The following MIS18A variants were observed in gnomAD, a reference collection of about 807,000 sequenced individuals.
The protein encoded by MIS18A is protein Mis18-alpha.
In MIS18A, 14 loss-of-function variants were observed where a neutral mutation model predicts 25.0. The ratio of observed to expected loss-of-function variants is 0.56; its 90% CI spans 0.37 to 0.88. The LOEUF (loss-of-function observed/expected upper bound fraction) is 0.88. Ranked by LOEUF, MIS18A falls within the 40% of genes least tolerant of loss-of-function variation. MIS18A has a pLI of 0.00. For synonymous variants in MIS18A, 134 were observed against 118.6 expected, an observed-to-expected ratio of 1.13 and a Z score of -0.84; for missense variants, 292 against 290.8, an observed-to-expected ratio of 1.00 and a Z score of -0.03.
At chr21:32,163,710 C>T in the MIS18A span, among the ~76,000 whole-genome samples, 1 of 152,258 alleles carries the variant, frequency 6.6e-6, no homozygotes, top group East Asian at 1.9e-4. Flanking sequence ...TTCCCAAAGG[C>T]TCTTTTTGGC....
the MIS18A span, among the ~76,000 whole-genome samples, chr21:32,157,270 A>G: frequency 7.6e-3 from 1 of 132 alleles, no homozygotes; most frequent in African/African-American, 0.033. Flanking sequence ...GGGTTTCATC[A>G]TCTTGGCCCA....
chr21:32,179,185 AT>A, the MIS18A span, among the ~76,000 whole-genome samples: 11 of 151,720 alleles, frequency 7.3e-5, no homozygotes, highest in Middle Eastern at 3.2e-3. Flanking sequence ...ATGTTACTGG[AT>A]TTCAGTTCCC....
At chr21:32,240,012 G>C in the MIS18A span, among the ~76,000 whole-genome samples, 32 of 152,318 alleles carry the variant, frequency 2.1e-4, no homozygotes, top group African/African-American at 7.2e-4. Flanking sequence ...AAATAAATAA[G>C]TAGGCATCCT....
the MIS18A span, among the ~76,000 whole-genome samples, chr21:32,180,716 C>T: frequency 6.6e-6 from 1 of 152,224 alleles, no homozygotes; most frequent in Non-Finnish European, 1.5e-5. Flanking sequence ...CCTCCATATC[C>T]TTGCCAACAC....
the MIS18A span, among the ~76,000 whole-genome samples, chr21:32,214,079 C>T: frequency 6.6e-6 from 1 of 152,212 alleles, no homozygotes; most frequent in Non-Finnish European, 1.5e-5. Flanking sequence ...GACACTCTGA[C>T]ATCCACCAGC....
At chr21:32,233,112 T>C in the MIS18A span, among the ~76,000 whole-genome samples, 2 of 152,238 alleles carry the variant, frequency 1.3e-5, no homozygotes, top group Admixed American at 1.3e-4. Flanking sequence ...TTTCTTTAAA[T>C]AGGCCAGTGT....
At chr21:32,219,313 C>G in the MIS18A span, among the ~76,000 whole-genome samples, 1 of 152,112 alleles carries the variant, frequency 6.6e-6, no homozygotes, top group Admixed American at 6.5e-5. Flanking sequence ...ACAGTGGGTG[C>G]AGCCCACAGA....
At chr21:32,249,372 G>A in the MIS18A span, among the ~76,000 whole-genome samples, 2 of 152,156 alleles carry the variant, frequency 1.3e-5, no homozygotes, top group African/African-American at 4.8e-5. Context: ...CTGCCCGGGC[G>A]GGGAAAGACA....
the MIS18A span, among the ~76,000 whole-genome samples, chr21:32,255,719 C>G: frequency 6.6e-6 from 1 of 151,668 alleles, no homozygotes; most frequent in Non-Finnish European, 1.5e-5. Flanking sequence ...GAAACCCCAT[C>G]TCTACTAAAA....
the MIS18A span, among the ~76,000 whole-genome samples, chr21:32,216,048 C>T: frequency 6.6e-6 from 1 of 152,058 alleles, no homozygotes; most frequent in African/African-American, 2.4e-5. Context: ...AACTCCTCTC[C>T]TCCATAAAAG....
chr21:32,217,173 A>T, the MIS18A span, among the ~76,000 whole-genome samples: 1 of 152,222 alleles, frequency 6.6e-6, no homozygotes, highest in Admixed American at 6.5e-5. Flanking sequence ...TATTAGACAT[A>T]CTAGACAAGG....
chr21:32,193,006 C>T, the MIS18A span, among the ~76,000 whole-genome samples: 1 of 152,336 alleles, frequency 6.6e-6, no homozygotes, highest in African/African-American at 2.4e-5. Flanking sequence ...CACGGGAAAA[C>T]AGACGGTCAA....
At chr21:32,194,273 A>G in the MIS18A span, among the ~76,000 whole-genome samples, 1 of 152,220 alleles carries the variant, frequency 6.6e-6, no homozygotes, top group Admixed American at 6.5e-5. Flanking sequence ...GCAAAGTCAT[A>G]GAACCAATCT....
chr21:32,231,738 C>T, the MIS18A span, among the ~76,000 whole-genome samples: 2 of 152,102 alleles, frequency 1.3e-5, no homozygotes, highest in African/African-American at 4.8e-5. Flanking sequence ...ACGGTGAAAC[C>T]TCGTCTCTAC....
At chr21:32,253,318 T>C in the MIS18A span, among the ~76,000 whole-genome samples, 1 of 152,122 alleles carries the variant, frequency 6.6e-6, no homozygotes, top group African/African-American at 2.4e-5. Flanking sequence ...GCATGCGCAG[T>C]TTCCAGCTGA....
the MIS18A span, among the ~76,000 whole-genome samples, chr21:32,190,896 G>T: frequency 6.6e-6 from 1 of 152,210 alleles, no homozygotes. Context: ...ACCGCCAGTT[G>T]TATTGAATAT....
At chr21:32,173,471 T>C in the MIS18A span, among the ~76,000 whole-genome samples, 1 of 152,178 alleles carries the variant, frequency 6.6e-6, no homozygotes, top group Non-Finnish European at 1.5e-5. Flanking sequence ...TGAAAATATA[T>C]TTTCACACAA....
the MIS18A span, among the ~76,000 whole-genome samples, chr21:32,191,551 C>G: frequency 4.6e-5 from 7 of 152,070 alleles, no homozygotes; most frequent in Non-Finnish European, 8.8e-5. Context: ...ATGACCCATT[C>G]CAGCCCTAGG....
the MIS18A span, among the ~76,000 whole-genome samples, chr21:32,199,908 C>T: frequency 0.23 from 35,615 of 152,134 alleles, 4,324 homozygotes; most frequent in South Asian, 0.29. Flanking sequence ...TAAGCACTGA[C>T]TGCCAGTTGA....
Sources: allele counts gnomAD v4.1 joint callset (sites outside exome capture counted in the v4.1 genomes callset), GRCh38; gene constraint gnomAD v4.1.1; transcripts MANE v1.5; gene names NCBI Gene and HGNC (gene_info 2026-07-23, HGNC 2026-07-21).